The following FAM234B variants were observed in gnomAD, a reference collection of about 807,000 sequenced individuals.
FAM234B encodes family with sequence similarity 234 member B.
In FAM234B, 33 loss-of-function variants were observed where a neutral mutation model predicts 69.3. The observed-to-expected ratio is 0.48, with a 90% confidence interval of 0.36 to 0.64. The LOEUF (loss-of-function observed/expected upper bound fraction) is 0.64. Among genes scored for constraint, FAM234B ranks in the 30% least tolerant of loss-of-function variants. The pLI is 0.00. For missense variants in FAM234B, 697 were observed against 769.7 expected (o/e 0.91, Z 1.12); for synonymous variants, 306 against 306.9 (o/e 1.00, Z 0.03).
rs1462052510 is a variant in FAM234B, at chr12:13,082,774, T to G, written c.*2144T>G. The G allele has an allele frequency of 2.0e-5, 3 of 152,172 alleles. No homozygotes were observed. Among genetic ancestry groups the G allele is most frequent in the African/African-American group, 7.2e-5 (3 of 41,430 alleles). 9.4% of individuals were successfully genotyped at this position (152,172 alleles called of 1,614,324 possible). ...AGCCACTCTGCGCAGGAGTGAAACATGAAGTTGTTTTCTGAGGACCTGTTT... is the reference window on the plus strand; with the variant it reads ...AGCCACTCTGCGCAGGAGTGAAACAGGAAGTTGTTTTCTGAGGACCTGTTT... On this transcript the variant is annotated 3_prime_UTR_variant, in exon 13 of 13. Transcript: ENST00000197268.
chr12:13,064,155 A>G (rs1425331038), intron 5 of FAM234B, among the ~76,000 whole-genome samples: 1 of 152,200 alleles, frequency 6.6e-6, no homozygotes, highest in Non-Finnish European at 1.5e-5. Context: ...AATGAGCTAA[A>G]TTTCTGAAGC....
chr12:13,063,094 GT>G, intron 5 of FAM234B, 119 bp downstream of exon 5: 1 of 1,213,854 alleles, frequency 8.2e-7, no homozygotes, highest in Non-Finnish European at 1.2e-6. Flanking sequence ...AAGGGTTTAG[GT>G]TTAAGTAAAT....
chr12:13,071,269 C>T lies in FAM234B; in HGVS notation c.1397C>T (p.Ser466Phe), dbSNP rs781661686. The change falls in exon 10 of 13, where the codon TCC becomes TTC. Residue 466 changes from serine (S) to phenylalanine (F), a missense_variant. Transcript: ENST00000197268. ...ATGGTTGTGGATGGTGACTCTGGCTCCATTGTTTGGAGTTACCGTGCTCCG... is the reference window on the plus strand; with the variant it reads ...ATGGTTGTGGATGGTGACTCTGGCTTCATTGTTTGGAGTTACCGTGCTCCG... ...KMMVVDGDSG[S>F]IVWSYRAPCH... is the part of the protein sequence containing the mutation. 9.3e-6 allele frequency: 15 copies of T among 1,614,128 alleles called. No individual in the cohort carries two copies. The highest frequency in any genetic ancestry group is 1.2e-5 in the Non-Finnish European group (14 of 1,180,018).
At chr12:13,060,462 C>T (rs1864972505) in intron 3 of FAM234B, among the ~76,000 whole-genome samples, 1 of 152,182 alleles carries the variant, frequency 6.6e-6, no homozygotes, top group African/African-American at 2.4e-5. Context: ...AATCCATCAC[C>T]ATCTGGGAAA....
At chr12:13,064,662 G>A (rs1865018493) in intron 5 of FAM234B, among the ~76,000 whole-genome samples, 1 of 152,164 alleles carries the variant, frequency 6.6e-6, no homozygotes, top group African/African-American at 2.4e-5. Context: ...CATAGTCTCA[G>A]TTCTGCTTGA....
chr12:13,069,035 C>T (rs1234570385), intron 9 of FAM234B, among the ~76,000 whole-genome samples: 1 of 152,130 alleles, frequency 6.6e-6, no homozygotes, highest in Non-Finnish European at 1.5e-5. Flanking sequence ...CTTTAACACA[C>T]AGCTATACCT....
At chr12:13,074,588 TGA>T (rs1865141100) in intron 10 of FAM234B, among the ~76,000 whole-genome samples, 1 of 152,112 alleles carries the variant, frequency 6.6e-6, no homozygotes, top group South Asian at 2.1e-4. Context: ...GGTGGGCAGG[TGA>T]GTCATAGCAG....
chr12:13,074,176 T>A (rs566698895), intron 10 of FAM234B, among the ~76,000 whole-genome samples: 2 of 152,308 alleles, frequency 1.3e-5, no homozygotes, highest in South Asian at 2.1e-4. Context: ...GCAAAAAAAA[T>A]TTTGAAGTCC....
chr12:13,074,769 C>G (rs565217827), intron 10 of FAM234B, among the ~76,000 whole-genome samples: 16 of 152,144 alleles, frequency 1.1e-4, no homozygotes, highest in Non-Finnish European at 2.1e-4. Flanking sequence ...GGAAGATGCC[C>G]TCTTCTGCTT....
rs1362501751 is a variant in FAM234B at position 13,055,861 on chromosome 12, C to T, written c.348C>T (p.Ile116=). 1 of 1,613,868 alleles carries T rather than the reference C, an allele frequency of 6.2e-7. No homozygotes were observed. ...VFLLTLGISM[I]LVLLCAFLIP... ...TGCTGACTTTGGGGATCTCGATGAT[C>T]CTGGTGCTCCTGTGTGCTTTCCTGA... Residue 116 remains isoleucine, a synonymous_variant, in exon 2 of 13, where the codon ATC becomes ATT. Coordinates refer to ENST00000197268, the MANE Select transcript of FAM234B (RefSeq NM_020853.2).
At chr12:13,058,669 G>C (rs1864956764) in intron 3 of FAM234B, 120 bp downstream of exon 3, 1 of 814,750 alleles carries the variant, frequency 1.2e-6, no homozygotes, top group South Asian at 1.5e-5. Context: ...AAGTTACCAT[G>C]GTTCTGGCAT....
At chr12:13,045,992 T>C (rs897599747) in intron 1 of FAM234B, among the ~76,000 whole-genome samples, 1 of 152,176 alleles carries the variant, frequency 6.6e-6, no homozygotes, top group Non-Finnish European at 1.5e-5. Context: ...GGAGTATTAG[T>C]TGTAGGAACT....
intron 1 of FAM234B, among the ~76,000 whole-genome samples, chr12:13,054,904 G>T (rs972289233): frequency 8.5e-5 from 13 of 152,226 alleles, no homozygotes; most frequent in Non-Finnish European, 4.4e-5. Context: ...ACCCCTCCCA[G>T]AATACTTGCT....
At chr12:13,053,839 A>G (rs966367903) in intron 1 of FAM234B, among the ~76,000 whole-genome samples, 2 of 152,174 alleles carry the variant, frequency 1.3e-5, no homozygotes, top group Admixed American at 6.5e-5. Flanking sequence ...TCTCAACCAC[A>G]TAAGACAGAC....
In FAM234B at chr12:13,083,386, T is replaced by C. The variant is rs1363609208; in HGVS notation, c.*2756T>C. Reference sequence around the variant, plus strand: ...ATTAAAGAAGAGCCAGCTGGTATATTGTCAGGAAGCACTATTTAAAATGTG... The same window carrying C: ...ATTAAAGAAGAGCCAGCTGGTATATCGTCAGGAAGCACTATTTAAAATGTG... On this transcript the variant is annotated 3_prime_UTR_variant, in exon 13 of 13. Coordinates refer to ENST00000197268, the MANE Select transcript of FAM234B (RefSeq NM_020853.2). 2.6e-5 allele frequency: 4 copies of C among 152,516 alleles called. No individual in the cohort carries two copies. The highest frequency in any genetic ancestry group is 5.9e-5 in the Non-Finnish European group (4 of 68,028). 9.4% of individuals were successfully genotyped at this position (152,516 alleles called of 1,614,324 possible). A position where few individuals can be genotyped will look rare whatever the true frequency, so the allele number is the denominator to read the frequency against.
At position 13,081,110 on chromosome 12, in the gene FAM234B, T is replaced by G. The variant is rs1196576506; in HGVS notation, c.*480T>G. ...CTGGTTTGTTTGGTCATTTTGAGAC[T>G]TCCAGATGCCCTACCTCTGATGTTG... On this transcript the variant is annotated 3_prime_UTR_variant, in exon 13 of 13. Transcript: ENST00000197268. The G allele has an allele frequency of 6.5e-6, 1 of 153,130 alleles. No homozygotes were observed. The highest frequency in any genetic ancestry group is 2.4e-5 in the African/African-American group (1 of 41,486). The allele number at this position is 153,130 out of a possible 1,614,324, so 9.5% of individuals were successfully genotyped here.
chr12:13,069,184 G>A lies in FAM234B; in HGVS notation c.1368+473G>A, dbSNP rs375048145. Reference sequence around the variant, plus strand: ...CAGGTCAGGGGTGCCAAGAGCAGAGGCCCAGAGACAGAAAGGATAGAGCAT... The same window carrying A: ...CAGGTCAGGGGTGCCAAGAGCAGAGACCCAGAGACAGAAAGGATAGAGCAT... On this transcript the variant is annotated intron_variant, in intron 9 of 12. Coordinates refer to ENST00000197268, the MANE Select transcript of FAM234B (RefSeq NM_020853.2). Among the ~76,000 whole-genome samples the A allele has an allele frequency of 2.0e-5, 3 of 152,118 alleles. No homozygotes were observed. In the East Asian group the frequency reaches 5.8e-4, roughly 29 times the overall value.
chr12:13,053,497 C>T (rs1184638662), intron 1 of FAM234B, among the ~76,000 whole-genome samples: 1 of 152,062 alleles, frequency 6.6e-6, no homozygotes, highest in Non-Finnish European at 1.5e-5. Context: ...GGGGTAACAT[C>T]ACATATCGGT....
At chr12:13,078,150 C>A (rs897022464) in intron 11 of FAM234B, among the ~76,000 whole-genome samples, 8 of 151,528 alleles carry the variant, frequency 5.3e-5, no homozygotes, top group Admixed American at 1.3e-4. Flanking sequence ...TTGGAGTTCA[C>A]TGTAGATTCT....
Sources: gnomAD v4.1 joint callset for allele counts (sites outside exome capture counted in the v4.1 genomes callset) on GRCh38, gnomAD v4.1.1 for gene constraint, MANE v1.5 for transcripts, NCBI Gene and HGNC (gene_info 2026-07-23, HGNC 2026-07-21) for gene names.